AKAP6: variants seen among roughly 807,000 people sequenced by gnomAD.
AKAP6 encodes A-kinase anchoring protein 6.
AKAP6 carries 58 observed loss-of-function variants against 188.5 expected under a neutral mutation model. The observed-to-expected ratio is 0.31, with a 90% CI of 0.25 to 0.38. AKAP6 has a LOEUF of 0.38. AKAP6 is among the 10% of genes least tolerant of loss of function. AKAP6 has a pLI of 1.00. For missense variants in AKAP6, 2,710 were observed against 2,740.0 expected, an observed-to-expected ratio of 0.99 and a Z score of 0.24; for synonymous variants, 989 against 998.6, an observed-to-expected ratio of 0.99 and a Z score of 0.18.
At chr14:32,761,565 G>A (rs1018778188) in intron 11 of AKAP6, among the ~76,000 whole-genome samples, 1 of 152,134 alleles carries the variant, frequency 6.6e-6, no homozygotes. Flanking sequence ...AGCAAGTCAT[G>A]AAACTAATTA....
At chr14:32,816,297 A>G (rs770116325) in intron 12 of AKAP6, among the ~76,000 whole-genome samples, 6 of 151,862 alleles carry the variant, frequency 4.0e-5, no homozygotes, top group Non-Finnish European at 8.8e-5. Context: ...GCCTCAAGCA[A>G]TCCTTCCACC....
At chr14:32,644,489 G>C (rs1413284303) in intron 7 of AKAP6, among the ~76,000 whole-genome samples, 5 of 152,146 alleles carry the variant, frequency 3.3e-5, no homozygotes, top group African/African-American at 1.2e-4. Context: ...TCTGTAAATA[G>C]TGCCCAGGGG....
At chr14:32,488,504 C>T (rs1372705797) in intron 2 of AKAP6, among the ~76,000 whole-genome samples, 1 of 152,170 alleles carries the variant, frequency 6.6e-6, no homozygotes, top group Non-Finnish European at 1.5e-5. Context: ...GATCACTTGG[C>T]TCCCTGGCTT....
intron 4 of AKAP6, among the ~76,000 whole-genome samples, chr14:32,553,834 T>A (rs141069221): frequency 6.6e-6 from 1 of 152,314 alleles, no homozygotes; most frequent in African/African-American, 2.4e-5. Flanking sequence ...CTCTGGCTGA[T>A]TTACCCAGAA....
At chr14:32,382,913 C>G (rs1409389648) in intron 1 of AKAP6, among the ~76,000 whole-genome samples, 1 of 152,094 alleles carries the variant, frequency 6.6e-6, no homozygotes, top group Non-Finnish European at 1.5e-5. Context: ...CTGCCACCAC[C>G]TGCACACCAT....
chr14:32,382,850 G>A (rs973286922), intron 1 of AKAP6, among the ~76,000 whole-genome samples: 2 of 152,142 alleles, frequency 1.3e-5, no homozygotes, highest in Non-Finnish European at 2.9e-5. Context: ...GCCTGGAATA[G>A]GAGAGATGTG....
rs1885843586 is a variant in AKAP6, at chr14:32,599,672, G to T, written c.2566+166G>T. On this transcript the variant is annotated intron_variant, in intron 6 of 13. Coordinates refer to ENST00000280979, the MANE Select transcript of AKAP6 (RefSeq NM_004274.5). The stretch of plus-strand genomic sequence containing the variant: ...AAATGTTTCATATACTGCATACAAT[G>T]CTGTGATACTTATAAGATGAAATAC... Among the ~76,000 whole-genome samples the T allele has an allele frequency of 1.3e-5, 2 of 152,110 alleles. 1 individual carries two copies. The highest frequency in any genetic ancestry group is 4.1e-4 in the South Asian group (2 of 4,830).
chr14:32,700,306 G>A (rs956105730), intron 9 of AKAP6, among the ~76,000 whole-genome samples: 7 of 152,228 alleles, frequency 4.6e-5, no homozygotes, highest in South Asian at 2.1e-4. Context: ...CTAGTGATCC[G>A]AAGTTGGTCT....
chr14:32,766,385 G>A (rs1028808778), intron 11 of AKAP6, among the ~76,000 whole-genome samples: 11 of 152,000 alleles, frequency 7.2e-5, no homozygotes, highest in Admixed American at 3.3e-4. Context: ...AAAGGAAATC[G>A]CTGGATCATA....
At chr14:32,338,438 T>C (rs1001656362) in intron 1 of AKAP6, among the ~76,000 whole-genome samples, 1 of 152,120 alleles carries the variant, frequency 6.6e-6, no homozygotes, top group Non-Finnish European at 1.5e-5. Context: ...TTGCATCAAA[T>C]AGGGGGTTTC....
chr14:32,419,245 T>C (rs1358480286), intron 1 of AKAP6, among the ~76,000 whole-genome samples: 1 of 152,196 alleles, frequency 6.6e-6, no homozygotes, highest in Non-Finnish European at 1.5e-5. Context: ...ATCAAATCTC[T>C]GGATATTAAC....
At chr14:32,430,240 C>T (rs1047238208) in intron 1 of AKAP6, among the ~76,000 whole-genome samples, 2 of 152,128 alleles carry the variant, frequency 1.3e-5, no homozygotes, top group Non-Finnish European at 2.9e-5. Flanking sequence ...ATCACAGATT[C>T]TTAGGGCAAA....
chr14:32,768,513 A>T (rs2032787520), intron 11 of AKAP6, among the ~76,000 whole-genome samples: 2 of 152,230 alleles, frequency 1.3e-5, no homozygotes, highest in African/African-American at 2.4e-5. Context: ...TAACATAAAG[A>T]TATCACTGGA....
At chr14:32,603,915 T>C (rs548336820) in intron 7 of AKAP6, among the ~76,000 whole-genome samples, 4 of 151,942 alleles carry the variant, frequency 2.6e-5, no homozygotes, top group Non-Finnish European at 5.9e-5. Flanking sequence ...TTATTATAAA[T>C]AAAAAAATAA....
At chr14:32,608,627 C>T (rs1318968286) in intron 7 of AKAP6, among the ~76,000 whole-genome samples, 1 of 151,880 alleles carries the variant, frequency 6.6e-6, no homozygotes, top group Non-Finnish European at 1.5e-5. Context: ...TGTCTCTAAT[C>T]AACACAGGGA....
At chr14:32,452,750 A>G (rs1264180051) in intron 2 of AKAP6, among the ~76,000 whole-genome samples, 3 of 152,204 alleles carry the variant, frequency 2.0e-5, no homozygotes, top group Non-Finnish European at 2.9e-5. Context: ...ATTAATAAAC[A>G]ATTCCTTGGT....
chr14:32,783,616 G>C (rs1472047111), intron 12 of AKAP6, among the ~76,000 whole-genome samples: 1 of 152,028 alleles, frequency 6.6e-6, no homozygotes, highest in Non-Finnish European at 1.5e-5. Flanking sequence ...CTTTTCTGAA[G>C]AACCAAACAA....
intron 4 of AKAP6, among the ~76,000 whole-genome samples, chr14:32,560,730 G>T (rs760066783): frequency 6.6e-6 from 1 of 151,980 alleles, no homozygotes; most frequent in African/African-American, 2.4e-5. Context: ...TTTTTTTAGC[G>T]TTGCATTTTT....
At chr14:32,752,594 G>A (rs1434251094) in intron 11 of AKAP6, among the ~76,000 whole-genome samples, 2 of 151,978 alleles carry the variant, frequency 1.3e-5, no homozygotes, top group Non-Finnish European at 2.9e-5. Context: ...AAGCTAATTA[G>A]CATATCCATC....
Sources: gnomAD v4.1 joint callset for allele counts (sites outside exome capture counted in the v4.1 genomes callset) on GRCh38, gnomAD v4.1.1 for gene constraint, MANE v1.5 for transcripts, NCBI Gene and HGNC (gene_info 2026-07-23, HGNC 2026-07-21) for gene names.